PLEC: variants seen among roughly 807,000 people sequenced by gnomAD.
PLEC encodes plectin.
In PLEC, 216 loss-of-function variants were observed where a neutral mutation model predicts 392.8. The ratio of observed to expected loss-of-function variants is 0.55; its 90% confidence interval spans 0.49 to 0.62. PLEC has a LOEUF of 0.62. Ranked by LOEUF, PLEC falls within the 20% of genes least tolerant of loss-of-function variation. The probability of loss-of-function intolerance (pLI) is 0.00; values close to 1 mark genes in which losing one functional copy is unlikely to be tolerated. For missense variants in PLEC, 6,863 were observed against 6,563.4 expected, an observed-to-expected ratio of 1.05 and a Z score of -1.58; for synonymous variants, 3,621 against 2,980.6, an observed-to-expected ratio of 1.21 and a Z score of -7.00.
At chr8:143,937,610 G>A (rs377623673) in intron 3 of PLEC, 5 of 501,486 alleles carry the variant, frequency 1.0e-5, no homozygotes, top group East Asian at 4.9e-5. Flanking sequence ...CACGGTGGAC[G>A]GGCAGCTTGA....
In PLEC at chr8:143,935,941, C is replaced by A; in HGVS notation, c.509G>T (p.Arg170Leu). The change falls in exon 6 of 32, where the codon CGA (arginine) becomes CTA (leucine). Residue 170 changes from arginine to leucine, a missense_variant. Coordinates refer to ENST00000345136, the MANE Select transcript of PLEC (RefSeq NM_201384.3). ...AKEKLLLWSQRMVEGYQGLRC... is the reference protein window; with the variant it reads ...AKEKLLLWSQLMVEGYQGLRC... The stretch of plus-strand genomic sequence containing the variant: ...CAGGCCCTGGTACCCCTCCACCATT[C>A]GCTGCGACCACAGCAGCAGCTTCTC... 1 of 1,612,934 alleles carries A rather than the reference C, an allele frequency of 6.2e-7. No homozygotes were observed. The highest frequency in any genetic ancestry group is 8.5e-7 in the Non-Finnish European group (1 of 1,179,968).
chr8:143,932,909 C>T lies in PLEC; in HGVS notation c.1621G>A (p.Gly541Ser), dbSNP rs369076875. Residue 541 changes from glycine (G) to serine (S), a missense_variant, in exon 14 of 32, where the codon GGC becomes AGC. Gly to Ser is a moderately conservative substitution (Grantham distance 56). Transcript: ENST00000345136. Reference sequence around the variant, plus strand: ...GGCAGGTCCACACCCCACTCAGCGCCATCCACACGGTGCTGGTTCTCCTCC... The same window carrying T: ...GGCAGGTCCACACCCCACTCAGCGCTATCCACACGGTGCTGGTTCTCCTCC... ...WVEENQHRVD[G>S]AEWGVDLPSV... is the part of the protein sequence containing the mutation. The T allele has an allele frequency of 4.3e-6, 7 of 1,612,544 alleles. No homozygotes were observed. The African/African-American group carries it at 9.3e-5, about 22-fold the overall frequency.
At chr8:143,973,725 G>A (rs1462395350), upstream of PLEC, among the ~76,000 whole-genome samples, 1 of 151,048 alleles carries the variant, frequency 6.6e-6, no homozygotes, top group Non-Finnish European at 1.5e-5. The surrounding 1 kb of genome is among the most constrained non-coding windows in gnomAD (Gnocchi z 5.6). Context: ...TCCCGTTCTC[G>A]CCCGGGTCGC....
rs146406979 is a variant in PLEC at position 143,919,861 on chromosome 8, G to A, written c.9960C>T (p.Ser3320=). ...APVPASELLA[S]GVLSRAQFEQ... ...CAAACTGGGCTCTGCTGAGGACCCC[G>A]GAAGCCAGGAGCTCGCTGGCTGGCA... Residue 3320 remains serine, a synonymous_variant, in exon 32 of 32, where the codon TCC becomes TCT. Transcript: ENST00000345136. 3.7e-5 allele frequency: 59 copies of A among 1,613,110 alleles called. No homozygotes were observed. The highest frequency in any genetic ancestry group is 1.2e-4 in the Admixed American group (7 of 60,028).
At position 143,918,426 on chromosome 8, in the gene PLEC, G is replaced by A; in HGVS notation, c.11395C>T (p.Leu3799=). 8 of 1,576,224 alleles carry A rather than the reference G, an allele frequency of 5.1e-6. No individual in the cohort carries two copies. Among genetic ancestry groups the A allele is most frequent in the Non-Finnish European group, 5.2e-6 (6 of 1,164,294 alleles). The change falls in exon 32 of 32, where the codon CTG becomes TTG. Residue 3799 remains leucine, a synonymous_variant. Coordinates refer to ENST00000345136, the MANE Select transcript of PLEC (RefSeq NM_201384.3). Reference sequence around the variant, plus strand: ...CCGGTGGCCAGCTGGGCATCCAGCAGCCGCAGGGCCTCCTCAGTAGGGATC... The same window carrying A: ...CCGGTGGCCAGCTGGGCATCCAGCAACCGCAGGGCCTCCTCAGTAGGGATC... The part of the protein sequence containing the change: ...ELIPTEEALR[L]LDAQLATGGI...
rs1170967514 is a variant in PLEC, at chr8:143,923,800, G to C, written c.6129C>G (p.Ala2043=). ...TCTCTTCCGCCTGCAGCCGCTTCTG[G>C]GCGGCCTCCTGGGCCAGCTGCAGCT... The part of the protein sequence containing the change: ...ARQLQLAQEA[A]QKRLQAEEKA... Residue 2043 remains alanine (A), a synonymous_variant, in exon 31 of 32, where the codon GCC becomes GCG. Transcript: ENST00000345136. 6.3e-7 allele frequency: 1 copy of C among 1,578,898 alleles called. No individual in the cohort carries two copies. Among genetic ancestry groups the C allele is most frequent in the African/African-American group, 1.3e-5 (1 of 74,464 alleles).
At chr8:143,944,474 C>T (rs931121447), upstream of PLEC, among the ~76,000 whole-genome samples, 1 of 152,216 alleles carries the variant, frequency 6.6e-6, no homozygotes, top group Non-Finnish European at 1.5e-5. Context: ...CCCAACACCC[C>T]AAAAGTGAGA....
Position 143,918,867 on chromosome 8 carries a change from G to C in PLEC, c.10954C>G (p.Leu3652Val). The change falls in exon 32 of 32, where the codon CTG (leucine) becomes GTG (valine). Residue 3652 changes from leucine to valine, a missense_variant. Coordinates refer to ENST00000345136, the MANE Select transcript of PLEC (RefSeq NM_201384.3). ...YVRRRLTAED[L>V]FEARIISLET... The stretch of plus-strand genomic sequence containing the variant: ...AGAGAGATGATCCGAGCCTCGAACA[G>C]GTCCTCAGCCGTGAGGCGGCGGCGC... 2 of 1,612,912 alleles carry C rather than the reference G, an allele frequency of 1.2e-6. No homozygotes were observed. The highest frequency in any genetic ancestry group is 1.1e-5 in the South Asian group (1 of 91,088).
intron 1 of PLEC, among the ~76,000 whole-genome samples, chr8:143,939,101 C>G (rs1216327871): frequency 6.6e-6 from 1 of 152,190 alleles, no homozygotes; most frequent in East Asian, 1.9e-4. Context: ...GCTGACAGGG[C>G]AGCGAACCTT....
At chr8:143,946,499 G>C (rs1831497245) in intron 1 of PLEC, 1 of 818,276 alleles carries the variant, frequency 1.2e-6, no homozygotes, top group Admixed American at 2.7e-5. Flanking sequence ...TGCCCTGGTA[G>C]CAGCGGCTCC....
chr8:143,927,075 C>G lies in PLEC; in HGVS notation c.3847G>C (p.Glu1283Gln), dbSNP rs782537906. The change falls in exon 29 of 32, where the codon GAA becomes CAA. Residue 1283 changes from glutamate (E) to glutamine (Q), a missense_variant. Physicochemically the swap from Glu to Gln is conservative, Grantham distance 29. Coordinates refer to ENST00000345136, the MANE Select transcript of PLEC (RefSeq NM_201384.3). ...GCCTTGTACGTCACCAGCTGGAGTT[C>G]ATAGTCCTGTGGCAATGCACTGCGG... is the stretch of plus-strand genomic sequence containing the variant. ...KQYINAIKDY[E>Q]LQLVTYKAQL... is the part of the protein sequence containing the mutation. 1.2e-6 allele frequency: 2 copies of G among 1,610,644 alleles called. No individual in the cohort carries two copies. The highest frequency in any genetic ancestry group is 2.7e-5 in the African/African-American group (2 of 75,064).
chr8:143,968,433 G>A (rs1167978457), intron 1 of PLEC, among the ~76,000 whole-genome samples: 1 of 150,562 alleles, frequency 6.6e-6, no homozygotes, highest in Non-Finnish European at 1.5e-5. Flanking sequence ...AGCCAGGTGT[G>A]GTGGCAGACG....
upstream of PLEC, chr8:143,943,641 TG>T (rs1830906791): frequency 5.1e-6 from 4 of 782,306 alleles, no homozygotes; most frequent in African/African-American, 5.1e-5. Flanking sequence ...CACTGCAGGG[TG>T]GGGTGGAGGG....
chr8:143,951,080 C>G (rs1331020994), upstream of PLEC, among the ~76,000 whole-genome samples: 9 of 152,226 alleles, frequency 5.9e-5, no homozygotes, highest in Non-Finnish European at 1.3e-4. Context: ...TTTCCCCCCA[C>G]CAGGCCCCAC....
chr8:143,916,315 GCGGGAGCCGGCC>G lies in PLEC; in HGVS notation c.13494_13505del (p.Ala4499_Arg4502del), dbSNP rs782675738. On this transcript the variant is annotated inframe_deletion, in exon 32 of 32. Transcript: ENST00000345136. Reference sequence around the variant, plus strand: ...AGCCGGTGGCGTCAAAGCTGCCGCGGCGGGAGCCGGCCCGGGAGCCGGTGCGCGAGCCGGTGC... The same window carrying G: ...AGCCGGTGGCGTCAAAGCTGCCGCGGCGGGAGCCGGTGCGCGAGCCGGTGC... 7.6e-6 allele frequency: 12 copies of G among 1,585,340 alleles called. No homozygotes were observed. The South Asian group carries it at 7.8e-5, about 10-fold the overall frequency.
In PLEC at chr8:143,921,466, C is replaced by T; in HGVS notation, c.8355G>A (p.Gln2785=). The T allele has an allele frequency of 6.2e-7, 1 of 1,613,296 alleles. No homozygotes were observed. The highest frequency in any genetic ancestry group is 8.5e-7 in the Non-Finnish European group (1 of 1,179,836). ...TCTGCATGGCTTGGAAGAGAGAGAT[C>T]TGCTGGCCAGTGTAGGGGTCCTTGT... ...TGYKDPYTGQ[Q]ISLFQAMQKG... is the part of the protein sequence containing the mutation. The change falls in exon 32 of 32, where the codon CAG becomes CAA. Residue 2785 remains glutamine (Q), a synonymous_variant. Transcript: ENST00000345136.
intron 19 of PLEC, among the ~76,000 whole-genome samples, chr8:143,930,930 C>T (rs1428167273): frequency 6.6e-6 from 1 of 152,180 alleles, no homozygotes; most frequent in Non-Finnish European, 1.5e-5. Flanking sequence ...CTCCCCCCGG[C>T]CCAGCCCTGC....
chr8:143,975,098 T>G, upstream of PLEC: 1 of 1,502,102 alleles, frequency 6.7e-7, no homozygotes, highest in Non-Finnish European at 9.1e-7. This position sits in a 1 kb window ranked among gnomAD's most constrained non-coding sequence, Gnocchi z 9.9. Flanking sequence ...CAGTCCCCGC[T>G]CCAGCGCCTA....
rs782326654 is a variant in PLEC, at chr8:143,924,030, G to A, written c.5899C>T (p.Leu1967=). 4 of 1,592,354 alleles carry A rather than the reference G, an allele frequency of 2.5e-6. No homozygotes were observed. The highest frequency in any genetic ancestry group is 3.3e-4 in the Middle Eastern group (2 of 6,034). The change falls in exon 31 of 32, where the codon CTG becomes TTG. Residue 1967 remains leucine (L), a synonymous_variant. Transcript: ENST00000345136. ...DTLRSKEQAE[L]EAARQRQLAA... ...AGCTGCCGCTGCCTCGCAGCCTCCA[G>A]CTCGGCCTGCTCCTTGCTGCGCAGC...
Sources: gnomAD v4.1 joint callset for allele counts (sites outside exome capture counted in the v4.1 genomes callset) on GRCh38, gnomAD v4.1.1 for gene constraint, Gnocchi (gnomAD v3.1) non-coding constraint, MANE v1.5 for transcripts, NCBI Gene and HGNC (gene_info 2026-07-23, HGNC 2026-07-21) for gene names.